Variants in PPFIA2 observed in about 807,000 individuals in gnomAD.
The protein encoded by PPFIA2 is liprin-alpha-2.
In PPFIA2, 46 loss-of-function variants were observed where a neutral mutation model predicts 175.5. That is an observed-to-expected ratio of 0.26 (90% CI 0.21 to 0.34). PPFIA2 has a LOEUF of 0.34. Among genes scored for constraint, PPFIA2 ranks in the 10% least tolerant of loss-of-function variants. The pLI is 1.00. For synonymous variants in PPFIA2, 568 were observed against 511.4 expected, an observed-to-expected ratio of 1.11 and a Z score of -1.49; for missense variants, 1,179 against 1,506.1, an observed-to-expected ratio of 0.78 and a Z score of 3.60.
chr12:81,309,577 C>T (rs1274767020), intron 22 of PPFIA2, among the ~76,000 whole-genome samples: 1 of 151,992 alleles, frequency 6.6e-6, no homozygotes. Context: ...TGCATATTTT[C>T]ACATTTGGTG....
chr12:81,658,548 T>C (rs1157754373), intron 4 of PPFIA2, among the ~76,000 whole-genome samples: 1 of 152,048 alleles, frequency 6.6e-6, no homozygotes, highest in Non-Finnish European at 1.5e-5. Context: ...AAAAATCGTT[T>C]AACTTTATTG....
chr12:81,291,161 A>AG (rs2044863330), intron 24 of PPFIA2, among the ~76,000 whole-genome samples: 1 of 151,864 alleles, frequency 6.6e-6, no homozygotes, highest in Non-Finnish European at 1.5e-5. Flanking sequence ...TAAAATCAGT[A>AG]TTTTTTAATG....
At chr12:81,579,788 A>G (rs568638679) in intron 4 of PPFIA2, among the ~76,000 whole-genome samples, 30 of 151,802 alleles carry the variant, frequency 2.0e-4, no homozygotes, top group Non-Finnish European at 3.8e-4. Flanking sequence ...TGCTAAAAAT[A>G]CTCCATCTCT....
chr12:81,372,480 A>G (rs2035370292), intron 11 of PPFIA2, among the ~76,000 whole-genome samples: 2 of 149,998 alleles, frequency 1.3e-5, no homozygotes, highest in Admixed American at 1.3e-4. Context: ...ATGATGATCC[A>G]TAATAAGGAA....
chr12:81,298,464 TA>T (rs1294483639), intron 23 of PPFIA2: 1 of 152,248 alleles, frequency 6.6e-6, no homozygotes, highest in East Asian at 1.9e-4. Context: ...CGGATAATTT[TA>T]TAATCCAAGA....
intron 7 of PPFIA2, among the ~76,000 whole-genome samples, chr12:81,407,426 TG>T (rs1249677878): frequency 2.0e-5 from 3 of 151,654 alleles, no homozygotes; most frequent in Non-Finnish European, 4.4e-5. Context: ...GAGATTGCAG[TG>T]AGCTGAGATT....
intron 4 of PPFIA2, among the ~76,000 whole-genome samples, chr12:81,600,762 A>G (rs893718007): frequency 6.6e-6 from 1 of 151,992 alleles, no homozygotes; most frequent in African/African-American, 2.4e-5. Flanking sequence ...TGTTCCCCAC[A>G]GAGTTGTGAG....
intron 7 of PPFIA2, among the ~76,000 whole-genome samples, chr12:81,415,144 G>C (rs551222603): frequency 1.8e-5 from 2 of 112,318 alleles, no homozygotes; most frequent in Non-Finnish European, 3.5e-5. Flanking sequence ...AAGAATGAGA[G>C]GTTTGCATTG....
intron 4 of PPFIA2, among the ~76,000 whole-genome samples, chr12:81,671,712 T>C (rs1485435698): frequency 6.6e-6 from 1 of 152,006 alleles, no homozygotes; most frequent in Admixed American, 6.6e-5. Context: ...ATCTCACCTT[T>C]ATCTGCCATG....
intron 4 of PPFIA2, among the ~76,000 whole-genome samples, chr12:81,513,095 T>G (rs1312657363): frequency 6.6e-6 from 1 of 151,872 alleles, no homozygotes; most frequent in African/African-American, 2.4e-5. Context: ...GCAAAGGACA[T>G]GAATAGACAA....
intron 4 of PPFIA2, among the ~76,000 whole-genome samples, chr12:81,628,539 G>A (rs553208140): frequency 1.3e-5 from 2 of 152,056 alleles, no homozygotes; most frequent in East Asian, 1.9e-4. Flanking sequence ...ACCATGTCTG[G>A]CTGATTGCTT....
chr12:81,350,382 T>C (rs2059808668), intron 17 of PPFIA2: 1 of 152,162 alleles, frequency 6.6e-6, no homozygotes, highest in Admixed American at 6.6e-5. Context: ...CATTTCTTGC[T>C]CCTGTATAAA....
chr12:81,442,536 A>G (rs2050365813), intron 6 of PPFIA2, among the ~76,000 whole-genome samples: 2 of 151,844 alleles, frequency 1.3e-5, no homozygotes, highest in African/African-American at 4.8e-5. Context: ...TAAATAGTCA[A>G]TGATTTCTGA....
Position 81,437,932 on chromosome 12 carries a change from CT to C in PPFIA2, c.645+2039del, listed in dbSNP as rs757626140. On this transcript the variant is annotated intron_variant, in intron 7 of 32. Transcript: ENST00000549396. ...ACTGAGAGGTACCAATCTCTTATTTCTTTTTTTTTTTTTTCCCCCAAACCAT... is the reference window on the plus strand; with the variant it reads ...ACTGAGAGGTACCAATCTCTTATTTCTTTTTTTTTTTTTCCCCCAAACCAT... Among the ~76,000 whole-genome samples, 526 of 139,594 alleles carry C rather than the reference CT, an allele frequency of 3.8e-3. 1 individual carries two copies. Among genetic ancestry groups the C allele is most frequent in the African/African-American group, 4.1e-3 (157 of 38,468 alleles). The allele number at this position is 139,594 out of a possible 152,430, so 91.6% of individuals were successfully genotyped here. A position where few individuals can be genotyped will look rare whatever the true frequency, so the allele number is the denominator to read the frequency against.
chr12:81,659,295 A>C (rs111519342), intron 4 of PPFIA2, among the ~76,000 whole-genome samples: 93 of 152,294 alleles, frequency 6.1e-4, no homozygotes, highest in African/African-American at 2.2e-3. Context: ...GCAAGGGGTC[A>C]AGGAATTCCC....
intron 4 of PPFIA2, among the ~76,000 whole-genome samples, chr12:81,544,479 C>T (rs1386319283): frequency 1.3e-5 from 2 of 152,076 alleles, no homozygotes; most frequent in Non-Finnish European, 2.9e-5. Context: ...TGGGGCAGCC[C>T]AACATACTTC....
intron 9 of PPFIA2, among the ~76,000 whole-genome samples, chr12:81,376,158 T>C (rs1205473766): frequency 1.3e-5 from 2 of 152,226 alleles, no homozygotes; most frequent in Non-Finnish European, 2.9e-5. Flanking sequence ...AAAAGCTTTC[T>C]GCTGTCTAAG....
intron 4 of PPFIA2, among the ~76,000 whole-genome samples, chr12:81,652,529 CA>C (rs1437980194): frequency 3.3e-5 from 5 of 151,960 alleles, no homozygotes; most frequent in African/African-American, 1.2e-4. Context: ...TCCTCATTTA[CA>C]TAAAAATAAA....
At chr12:81,586,684 T>C (rs977176040) in intron 4 of PPFIA2, among the ~76,000 whole-genome samples, 8 of 151,774 alleles carry the variant, frequency 5.3e-5, no homozygotes, top group South Asian at 2.1e-4. Flanking sequence ...ATACTTAGCA[T>C]TCTGAAAATT....
Sources: allele counts gnomAD v4.1 joint callset (sites outside exome capture counted in the v4.1 genomes callset), GRCh38; gene constraint gnomAD v4.1.1; transcripts MANE v1.5; gene names NCBI Gene and HGNC (gene_info 2026-07-23, HGNC 2026-07-21).